MAF: variants seen among roughly 807,000 people sequenced by gnomAD.
The protein encoded by MAF is MAF bZIP transcription factor.
In MAF, 10 loss-of-function variants were observed where a neutral mutation model predicts 22.0. The observed-to-expected ratio is 0.45, with a 90% CI of 0.28 to 0.77. The LOEUF is 0.77. MAF is among the 30% of genes least tolerant of loss of function. MAF has a pLI of 0.12. For missense variants in MAF, 544 were observed against 548.4 expected (o/e 0.99, Z 0.08); for synonymous variants, 337 against 255.8 (o/e 1.32, Z -3.03).
At chr16:79,415,586 C>A in the MAF span, among the ~76,000 whole-genome samples, 1 of 152,220 alleles carries the variant, frequency 6.6e-6, no homozygotes, top group Admixed American at 6.5e-5. Context: ...GCATTCAAAG[C>A]CTGGATCACT....
At chr16:79,428,437 G>A in the MAF span, among the ~76,000 whole-genome samples, 1 of 152,212 alleles carries the variant, frequency 6.6e-6, no homozygotes, top group African/African-American at 2.4e-5. Flanking sequence ...GTGGTGTCCT[G>A]TTGCTCCCTT....
chr16:79,524,001 T>A, the MAF span, among the ~76,000 whole-genome samples: 11 of 152,280 alleles, frequency 7.2e-5, no homozygotes, highest in Admixed American at 2.6e-4. Flanking sequence ...CCCCAAGCCA[T>A]CCAGTATAAA....
At chr16:79,484,274 C>T in the MAF span, among the ~76,000 whole-genome samples, 6 of 152,288 alleles carry the variant, frequency 3.9e-5, no homozygotes, top group South Asian at 4.1e-4. Context: ...CTGGTGATGA[C>T]GAGGCTGGCG....
the MAF span, among the ~76,000 whole-genome samples, chr16:79,474,814 C>A: frequency 1.3e-5 from 2 of 152,236 alleles, no homozygotes; most frequent in African/African-American, 4.8e-5. Flanking sequence ...AAGATTCCTC[C>A]TCACCCCCAT....
At chr16:79,404,591 T>A in the MAF span, among the ~76,000 whole-genome samples, 1 of 152,114 alleles carries the variant, frequency 6.6e-6, no homozygotes, top group Non-Finnish European at 1.5e-5. Flanking sequence ...AGTCAATGAA[T>A]GACACACATT....
chr16:79,253,747 C>T, the MAF span, among the ~76,000 whole-genome samples: 18 of 152,272 alleles, frequency 1.2e-4, no homozygotes, highest in Middle Eastern at 3.4e-3. Context: ...CGAGCCTGAT[C>T]GTCTCTAGCT....
chr16:79,390,183 C>T, the MAF span, among the ~76,000 whole-genome samples: 18 of 151,876 alleles, frequency 1.2e-4, no homozygotes, highest in Admixed American at 1.3e-4. Context: ...ATGGACTGGG[C>T]GAATCTGAAC....
chr16:79,204,883 G>A, the MAF span: 1 of 152,172 alleles, frequency 6.6e-6, no homozygotes, highest in South Asian at 2.1e-4. Flanking sequence ...TCACAGAGGA[G>A]TAAGAGCCAC....
chr16:79,226,536 A>T, the MAF span, among the ~76,000 whole-genome samples: 5 of 152,236 alleles, frequency 3.3e-5, 1 homozygote, highest in East Asian at 7.7e-4. Flanking sequence ...AAAAAAATTT[A>T]AAAACAAAAT....
chr16:79,298,516 G>C, the MAF span, among the ~76,000 whole-genome samples: 1 of 152,176 alleles, frequency 6.6e-6, no homozygotes, highest in Non-Finnish European at 1.5e-5. Flanking sequence ...GAAGAGGAGG[G>C]TCATTCCTAG....
the MAF span, among the ~76,000 whole-genome samples, chr16:79,315,399 A>G: frequency 6.6e-6 from 1 of 152,350 alleles, no homozygotes; most frequent in South Asian, 2.1e-4. Context: ...ACTAACATCT[A>G]TTGATTATAC....
At chr16:79,561,346 A>G in the MAF span, among the ~76,000 whole-genome samples, 1 of 149,546 alleles carries the variant, frequency 6.7e-6, no homozygotes. Flanking sequence ...TTTAAGTTTT[A>G]GGGTACATGT....
the MAF span, among the ~76,000 whole-genome samples, chr16:79,427,085 C>G: frequency 2.0e-5 from 3 of 152,198 alleles, no homozygotes; most frequent in Admixed American, 6.5e-5. Context: ...CGCTCCCACT[C>G]CTAATCTGTT....
chr16:79,362,220 T>C, the MAF span, among the ~76,000 whole-genome samples: 1 of 152,340 alleles, frequency 6.6e-6, no homozygotes, highest in South Asian at 2.1e-4. Context: ...GCCTTGAACA[T>C]AGTCAGTGCA....
chr16:79,416,784 C>A, the MAF span, among the ~76,000 whole-genome samples: 1 of 152,310 alleles, frequency 6.6e-6, no homozygotes, highest in East Asian at 1.9e-4. Flanking sequence ...GCTACCCTCT[C>A]CCTGTAGAAA....
At chr16:79,212,158 C>T in the MAF span, 26 of 1,494,178 alleles carry the variant, frequency 1.7e-5, 1 homozygote, top group Middle Eastern at 9.1e-4. Context: ...CATCCAGCTA[C>T]CACCACGGCC....
At chr16:79,412,526 T>G in the MAF span, among the ~76,000 whole-genome samples, 40 of 152,356 alleles carry the variant, frequency 2.6e-4, no homozygotes, top group African/African-American at 8.7e-4. Flanking sequence ...GTAACTGTTG[T>G]AGGGGCTGTC....
the MAF span, among the ~76,000 whole-genome samples, chr16:79,292,157 T>C: frequency 2.9e-4 from 44 of 152,254 alleles, no homozygotes; most frequent in Admixed American, 2.4e-3. Context: ...AGAAGACATG[T>C]TGAAGTCATA....
the MAF span, among the ~76,000 whole-genome samples, chr16:79,471,589 A>T: frequency 1.4e-4 from 21 of 152,304 alleles, no homozygotes; most frequent in African/African-American, 4.8e-4. Context: ...AGGTAGGAGG[A>T]TGGCTCCAGC....
Sources: gnomAD v4.1 joint callset for allele counts (sites outside exome capture counted in the v4.1 genomes callset) on GRCh38, gnomAD v4.1.1 for gene constraint, MANE v1.5 for transcripts, NCBI Gene and HGNC (gene_info 2026-07-23, HGNC 2026-07-21) for gene names.